Variants in RAPH1 observed in about 807,000 individuals in gnomAD.
RAPH1 encodes ras-associated and pleckstrin homology domains-containing protein 1.
RAPH1 carries 18 observed loss-of-function variants against 88.1 expected under a neutral mutation model. That is an observed-to-expected ratio of 0.20 (90% CI 0.14 to 0.30). The LOEUF is 0.30. Among genes scored for constraint, RAPH1 ranks in the 10% least tolerant of loss-of-function variants. The pLI is 1.00. For missense variants in RAPH1, 1,448 were observed against 1,543.2 expected (o/e 0.94, Z 1.03); for synonymous variants, 587 against 559.0 (o/e 1.05, Z -0.71).
chr2:203,439,389 G>A lies in RAPH1; in HGVS notation c.*48C>T. On this transcript the variant is annotated 3_prime_UTR_variant, in exon 14 of 14. Coordinates refer to ENST00000319170, the MANE Select transcript of RAPH1 (RefSeq NM_213589.3). The stretch of plus-strand genomic sequence containing the variant: ...GAATTCACAGATGATCAGGTGAGCT[G>A]ATTGTAGCAGTGATTACAGATATCA... 6.4e-7 allele frequency: 1 copy of A among 1,556,994 alleles called. No individual in the cohort carries two copies.
intron 1 of RAPH1, among the ~76,000 whole-genome samples, chr2:203,521,745 ATAT>A (rs903170846): frequency 4.6e-5 from 7 of 152,188 alleles, no homozygotes; most frequent in Admixed American, 2.6e-4. Context: ...CCCACACATT[ATAT>A]TATTATAAGG....
intron 6 of RAPH1, 125 bp downstream of exon 6, chr2:203,461,124 T>TTAAAA (rs1163137045): frequency 1.0e-5 from 4 of 383,836 alleles, no homozygotes; most frequent in African/African-American, 2.1e-5. Flanking sequence ...CCCCAAAAAA[T>TTAAAA]TAAAATAAAA....
chr2:203,487,862 G>A (rs1688044997), intron 4 of RAPH1, among the ~76,000 whole-genome samples: 2 of 151,940 alleles, frequency 1.3e-5, no homozygotes, highest in Admixed American at 6.5e-5. Flanking sequence ...CAAAAACAAA[G>A]CTACGCACAT....
intron 2 of RAPH1, among the ~76,000 whole-genome samples, chr2:203,491,631 C>A (rs560858587): frequency 2.0e-5 from 3 of 152,108 alleles, no homozygotes; most frequent in Admixed American, 6.5e-5. Context: ...AGGGATCCTC[C>A]CGAGTAGTTG....
Position 203,504,626 on chromosome 2 carries a change from C to T in RAPH1, c.1-9273G>A, listed in dbSNP as rs569653982. ...TGGTCTTGGGGATTAACATTAGGCT[C>T]CTTGCTATTTATGCAAATTTCTGCA... On this transcript the variant is annotated intron_variant, in intron 1 of 13. Transcript: ENST00000319170. Among the ~76,000 whole-genome samples the T allele has an allele frequency of 1.2e-4, 18 of 151,740 alleles. No homozygotes were observed. In the South Asian group the frequency reaches 3.3e-3, roughly 28 times the overall value.
At chr2:203,506,899 T>TATATA (rs1491316870) in intron 1 of RAPH1, among the ~76,000 whole-genome samples, 8 of 93,994 alleles carry the variant, frequency 8.5e-5, no homozygotes, top group Non-Finnish European at 1.2e-4. Flanking sequence ...TATATATATA[T>TATATA]TTTTTTTTTT....
chr2:203,440,551 G>C lies in RAPH1; in HGVS notation c.2639C>G (p.Ser880Cys), dbSNP rs13029446. 2 of 1,546,238 alleles carry C rather than the reference G, an allele frequency of 1.3e-6. No individual in the cohort carries two copies. The highest frequency in any genetic ancestry group is 1.7e-6 in the Non-Finnish European group (2 of 1,146,702). The change falls in exon 14 of 14, where the codon TCT becomes TGT. Residue 880 changes from serine to cysteine, a missense_variant. By Grantham distance (112) the Ser-to-Cys change is moderately radical. Transcript: ENST00000319170. ...TGCTGGGACAGGCTTTAAGGGCTGAGATTCCATGGCAGGGGGAGTTGGAGG... is the reference window on the plus strand; with the variant it reads ...TGCTGGGACAGGCTTTAAGGGCTGACATTCCATGGCAGGGGGAGTTGGAGG... ...PPPPTPPAME[S>C]QPLKPVPANV...
chr2:203,502,311 G>A (rs1226310447), intron 1 of RAPH1, among the ~76,000 whole-genome samples: 2 of 152,240 alleles, frequency 1.3e-5, no homozygotes, highest in Non-Finnish European at 2.9e-5. Flanking sequence ...AGAAGTACTA[G>A]GAAAGATGAT....
At chr2:203,530,060 T>A (rs1181931687) in intron 1 of RAPH1, among the ~76,000 whole-genome samples, 1 of 152,230 alleles carries the variant, frequency 6.6e-6, no homozygotes, top group Non-Finnish European at 1.5e-5. Context: ...AGAAAAACAG[T>A]ATGCATTTTA....
intron 4 of RAPH1, among the ~76,000 whole-genome samples, chr2:203,468,265 C>T (rs2098530195): frequency 1.3e-5 from 2 of 152,142 alleles, no homozygotes; most frequent in Non-Finnish European, 2.9e-5. Flanking sequence ...CTCGGTGTGG[C>T]TTGAGTGATC....
At position 203,441,132 on chromosome 2, in the gene RAPH1, C is replaced by T. The variant is rs766451242; in HGVS notation, c.2058G>A (p.Pro686=). 27 of 1,611,858 alleles carry T rather than the reference C, an allele frequency of 1.7e-5. No individual in the cohort carries two copies. In the East Asian group the frequency reaches 2.0e-4, roughly 12 times the overall value. Reference sequence around the variant, plus strand: ...GTGACTGCATCACTGGGGGTGTTGGCGGCTTAAACAGGGCCCCTGAATGCT... The same window carrying T: ...GTGACTGCATCACTGGGGGTGTTGGTGGCTTAAACAGGGCCCCTGAATGCT... The part of the protein sequence containing the change: ...ASQHSGALFK[P]PTPPVMQSQS... Residue 686 remains proline, a synonymous_variant, in exon 14 of 14, where the codon CCG becomes CCA. Coordinates refer to ENST00000319170, the MANE Select transcript of RAPH1 (RefSeq NM_213589.3).
chr2:203,463,466 A>G (rs1030225944), intron 4 of RAPH1, among the ~76,000 whole-genome samples: 4 of 152,168 alleles, frequency 2.6e-5, no homozygotes, highest in Non-Finnish European at 4.4e-5. Context: ...TTTATACTCT[A>G]GGCTGTCTCC....
chr2:203,508,565 C>G (rs929866813), intron 1 of RAPH1, among the ~76,000 whole-genome samples: 2 of 152,168 alleles, frequency 1.3e-5, no homozygotes, highest in African/African-American at 4.8e-5. Context: ...AGTAAACCCT[C>G]CATATACGTA....
Position 203,484,694 on chromosome 2 carries a change from G to A in RAPH1, c.732+4890C>T, listed in dbSNP as rs555583736. On this transcript the variant is annotated intron_variant, in intron 4 of 13. Coordinates refer to ENST00000319170, the MANE Select transcript of RAPH1 (RefSeq NM_213589.3). ...TAACCTCAGAAGTCCTCAGAAGCAA[G>A]AGTAGACAGGTGATGGTGCGACTAA... Among the ~76,000 whole-genome samples, 81 of 152,330 alleles carry A rather than the reference G, an allele frequency of 5.3e-4. 2 individuals carry two copies. The South Asian group carries it at 0.016, about 31-fold the overall frequency.
At chr2:203,442,754 ACT>A (rs1199995040) in intron 13 of RAPH1, 1 of 152,148 alleles carries the variant, frequency 6.6e-6, no homozygotes, top group Non-Finnish European at 1.5e-5. Flanking sequence ...CTCTTCTGAA[ACT>A]CTGTGCAATA....
At chr2:203,453,883 T>C (rs1344459149) in intron 10 of RAPH1, among the ~76,000 whole-genome samples, 3 of 152,002 alleles carry the variant, frequency 2.0e-5, no homozygotes, top group Admixed American at 2.0e-4. Context: ...GATATAATCA[T>C]TGCAAGAAGT....
At chr2:203,520,772 T>C (rs376901584) in intron 1 of RAPH1, among the ~76,000 whole-genome samples, 5 of 152,316 alleles carry the variant, frequency 3.3e-5, no homozygotes, top group East Asian at 3.9e-4. Flanking sequence ...CTGGTGAGGA[T>C]GTGGAACAAT....
intron 1 of RAPH1, among the ~76,000 whole-genome samples, chr2:203,533,032 G>T (rs1690454048): frequency 2.0e-5 from 3 of 152,126 alleles, no homozygotes; most frequent in African/African-American, 7.2e-5. Context: ...TATTTATGGG[G>T]TGAGCACCAA....
intron 1 of RAPH1, among the ~76,000 whole-genome samples, chr2:203,499,981 G>A (rs1688669490): frequency 6.6e-6 from 1 of 152,156 alleles, no homozygotes; most frequent in Admixed American, 6.5e-5. Context: ...CTCAGATACA[G>A]GACAGCAGAG....
Sources: gnomAD v4.1 joint callset for allele counts (sites outside exome capture counted in the v4.1 genomes callset) on GRCh38, gnomAD v4.1.1 for gene constraint, MANE v1.5 for transcripts, NCBI Gene and HGNC (gene_info 2026-07-23, HGNC 2026-07-21) for gene names.